The following XKR4 variants were observed in gnomAD, a reference collection of about 807,000 sequenced individuals.
The protein encoded by XKR4 is XK related 4, also known as XK-related protein 4.
Under a neutral mutation model 53.9 loss-of-function variants are expected in XKR4, and 12 were observed. The observed-to-expected ratio is 0.22, with a 90% CI of 0.14 to 0.36. The LOEUF (loss-of-function observed/expected upper bound fraction) is 0.36, where lower values mean the gene tolerates loss of function less well. Ranked by LOEUF, XKR4 falls within the 10% of genes least tolerant of loss-of-function variation. The probability of loss-of-function intolerance (pLI) is 1.00; values close to 1 mark genes in which losing one functional copy is unlikely to be tolerated. For synonymous variants in XKR4, 354 were observed against 362.4 expected (o/e 0.98, Z 0.26); for missense variants, 799 against 859.5 (o/e 0.93, Z 0.88).
At chr8:55,133,635 T>C (rs1213121671) in intron 1 of XKR4, among the ~76,000 whole-genome samples, 1 of 152,204 alleles carries the variant, frequency 6.6e-6, no homozygotes, top group Non-Finnish European at 1.5e-5. Context: ...CTAGGGAATA[T>C]AAGTAGTGTG....
intron 2 of XKR4, among the ~76,000 whole-genome samples, chr8:55,414,236 G>A (rs1435588239): frequency 2.6e-5 from 4 of 152,236 alleles, no homozygotes; most frequent in East Asian, 1.9e-4. Flanking sequence ...ACATCAAGTT[G>A]CCTAACTGTT....
intron 2 of XKR4, among the ~76,000 whole-genome samples, chr8:55,449,262 A>C (rs963729578): frequency 4.6e-5 from 7 of 152,066 alleles, no homozygotes; most frequent in Non-Finnish European, 8.8e-5. Context: ...TGGACTATTT[A>C]CAGGCCCATT....
rs118065822 is a variant in XKR4, at chr8:55,377,748, T to C, written c.1006+19871T>C. The stretch of plus-strand genomic sequence containing the variant: ...GCCACCTTGATGTTCCCTCCCTTGC[T>C]ACTTGTAAGGACATCTATAGGCTGT... On this transcript the variant is annotated intron_variant, in intron 2 of 2. Coordinates refer to ENST00000327381, the MANE Select transcript of XKR4 (RefSeq NM_052898.2). 4.1e-3 allele frequency among the ~76,000 whole-genome samples: 628 copies of C among 152,354 alleles called. 9 individuals carry two copies. In the East Asian group the frequency reaches 0.042, roughly 10 times the overall value.
At chr8:55,500,851 G>A (rs1184155202) in intron 2 of XKR4, among the ~76,000 whole-genome samples, 1 of 152,188 alleles carries the variant, frequency 6.6e-6, no homozygotes, top group Non-Finnish European at 1.5e-5. Flanking sequence ...GGTAGAACCA[G>A]CATTCAACTC....
chr8:55,260,722 G>C (rs1818513431), intron 1 of XKR4, among the ~76,000 whole-genome samples: 1 of 152,134 alleles, frequency 6.6e-6, no homozygotes, highest in Non-Finnish European at 1.5e-5. Flanking sequence ...CATTTGCATA[G>C]TGCATAGGGA....
At chr8:55,301,216 A>G (rs908376448) in intron 1 of XKR4, among the ~76,000 whole-genome samples, 13 of 136,788 alleles carry the variant, frequency 9.5e-5, no homozygotes, top group African/African-American at 1.9e-4. Flanking sequence ...TCATTGTTCA[A>G]TTCCCACCCA....
At chr8:55,347,151 C>T (rs1469988824) in intron 1 of XKR4, among the ~76,000 whole-genome samples, 2 of 152,112 alleles carry the variant, frequency 1.3e-5, no homozygotes, top group Non-Finnish European at 1.5e-5. Context: ...CTTTGACATA[C>T]CAGATGTTTG....
At chr8:55,469,620 A>G (rs185328762) in intron 2 of XKR4, among the ~76,000 whole-genome samples, 55 of 152,294 alleles carry the variant, frequency 3.6e-4, no homozygotes, top group African/African-American at 1.3e-3. Context: ...CCATGTTAGC[A>G]TAATATAGCA....
chr8:55,249,394 G>A (rs1348869521), intron 1 of XKR4, among the ~76,000 whole-genome samples: 1 of 152,090 alleles, frequency 6.6e-6, no homozygotes, highest in Admixed American at 6.5e-5. Context: ...AAGTTACAAG[G>A]TCAATATAGT....
At chr8:55,452,736 T>C (rs1348701777) in intron 2 of XKR4, 3 of 926,534 alleles carry the variant, frequency 3.2e-6, no homozygotes, top group African/African-American at 1.6e-5. Flanking sequence ...ATTGCAGGTC[T>C]CTCTGTCCTC....
At chr8:55,336,041 C>CAAAAAAAAAAAA (rs34885296) in intron 1 of XKR4, among the ~76,000 whole-genome samples, 2 of 113,706 alleles carry the variant, frequency 1.8e-5, no homozygotes, top group African/African-American at 3.2e-5. Context: ...AACTCTATAC[C>CAAAAAAAAAAAA]AAAAAAAAAA....
chr8:55,232,294 G>A (rs1393228277), intron 1 of XKR4, among the ~76,000 whole-genome samples: 1 of 152,222 alleles, frequency 6.6e-6, no homozygotes, highest in Non-Finnish European at 1.5e-5. Flanking sequence ...GAGGCCATTA[G>A]CTGGGTGCAC....
At chr8:55,482,504 A>G (rs1199177646) in intron 2 of XKR4, among the ~76,000 whole-genome samples, 2 of 152,078 alleles carry the variant, frequency 1.3e-5, no homozygotes, top group Non-Finnish European at 2.9e-5. Context: ...TATGTAACAA[A>G]CCTGCACATT....
At position 55,538,180 on chromosome 8, in the gene XKR4, A is replaced by C. The variant is rs1483483470; in HGVS notation, c.*13953A>C. ...ATGGGTCAGTGACTGGGACAAAGGA[A>C]CTGGGAATCTCTGCACAACTGAGCC... On this transcript the variant is annotated 3_prime_UTR_variant, in exon 3 of 3. Transcript: ENST00000327381. 6.6e-6 allele frequency: 1 copy of C among 152,202 alleles called. No individual in the cohort carries two copies. Among genetic ancestry groups the C allele is most frequent in the Non-Finnish European group, 1.5e-5 (1 of 68,050 alleles). 9.4% of individuals were successfully genotyped at this position (152,202 alleles called of 1,614,324 possible).
chr8:55,364,291 T>G (rs1373201036), intron 2 of XKR4, among the ~76,000 whole-genome samples: 10 of 152,082 alleles, frequency 6.6e-5, no homozygotes, highest in Middle Eastern at 3.4e-3. Context: ...GACGCGCGAG[T>G]CTTTGCTCAA....
chr8:55,411,414 AT>A (rs2129391236), intron 2 of XKR4, among the ~76,000 whole-genome samples: 1 of 152,326 alleles, frequency 6.6e-6, no homozygotes, highest in Non-Finnish European at 1.5e-5. Flanking sequence ...AAAAATTATC[AT>A]TGTTATTATT....
chr8:55,442,461 C>T (rs760457065), intron 2 of XKR4, among the ~76,000 whole-genome samples: 17 of 152,166 alleles, frequency 1.1e-4, no homozygotes, highest in African/African-American at 2.4e-4. Context: ...AGGCACCACA[C>T]GAGCCAGCAA....
chr8:55,447,536 T>C (rs572130654), intron 2 of XKR4, among the ~76,000 whole-genome samples: 1 of 152,348 alleles, frequency 6.6e-6, no homozygotes, highest in African/African-American at 2.4e-5. Context: ...TTTTACACTG[T>C]TTTGTACAGC....
At chr8:55,468,934 T>A (rs554604131) in intron 2 of XKR4, among the ~76,000 whole-genome samples, 5 of 152,276 alleles carry the variant, frequency 3.3e-5, no homozygotes, top group African/African-American at 1.2e-4. Flanking sequence ...CATTGTCACT[T>A]CCAAGTCAAA....
Sources: allele counts gnomAD v4.1 joint callset (sites outside exome capture counted in the v4.1 genomes callset), GRCh38; gene constraint gnomAD v4.1.1; transcripts MANE v1.5; gene names NCBI Gene and HGNC (gene_info 2026-07-23, HGNC 2026-07-21).